The following PRMT3 variants were observed in gnomAD, a reference collection of about 807,000 sequenced individuals.
PRMT3 encodes protein arginine methyltransferase 3.
Under a neutral mutation model 71.9 loss-of-function variants are expected in PRMT3, and 62 were observed. That is an observed-to-expected ratio of 0.86 (90% CI 0.70 to 1.07). The LOEUF (loss-of-function observed/expected upper bound fraction) is 1.07, where lower values mean the gene tolerates loss of function less well. Ranked by LOEUF, PRMT3 falls within the 50% of genes least tolerant of loss-of-function variation. PRMT3 has a pLI of 0.00. For synonymous variants in PRMT3, 213 were observed against 220.4 expected, an observed-to-expected ratio of 0.97 and a Z score of 0.30; for missense variants, 663 against 643.0, an observed-to-expected ratio of 1.03 and a Z score of -0.34.
intron 13 of PRMT3, among the ~76,000 whole-genome samples, chr11:20,471,358 T>G (rs1246906743): frequency 2.0e-5 from 3 of 152,218 alleles, no homozygotes; most frequent in Non-Finnish European, 4.4e-5. Context: ...GGTTTTACAT[T>G]TAAGTCTTTA....
chr11:20,481,754 TG>T (rs1398826988), intron 13 of PRMT3, among the ~76,000 whole-genome samples: 1 of 152,160 alleles, frequency 6.6e-6, no homozygotes, highest in Non-Finnish European at 1.5e-5. Flanking sequence ...GTGCACCTTA[TG>T]CATTGCTCTC....
rs1029339068 is a variant in PRMT3 at position 20,413,826 on chromosome 11, T to C, written c.893+5794T>C. On this transcript the variant is annotated intron_variant, in intron 9 of 15. Coordinates refer to ENST00000331079, the MANE Select transcript of PRMT3 (RefSeq NM_005788.4). ...TCTGATACTTGTCTATTCTTGCATA[T>C]TGGAGTTTTCTATAACATCAGTCAA... 2.6e-5 allele frequency among the ~76,000 whole-genome samples: 4 copies of C among 152,110 alleles called. No individual in the cohort carries two copies. In the South Asian group the frequency reaches 6.2e-4, roughly 24 times the overall value.
chr11:20,461,572 A>G (rs1398535888), intron 11 of PRMT3, among the ~76,000 whole-genome samples: 1 of 151,924 alleles, frequency 6.6e-6, no homozygotes, highest in Non-Finnish European at 1.5e-5. Flanking sequence ...CTATTACATG[A>G]TTTTCTTACA....
intron 10 of PRMT3, among the ~76,000 whole-genome samples, chr11:20,427,219 T>A (rs1399416861): frequency 6.6e-6 from 1 of 152,200 alleles, no homozygotes; most frequent in Non-Finnish European, 1.5e-5. Context: ...TAGGACTGTT[T>A]CATCAAAATT....
intron 10 of PRMT3, among the ~76,000 whole-genome samples, chr11:20,441,204 T>C (rs1003825537): frequency 3.3e-5 from 5 of 151,758 alleles, no homozygotes; most frequent in African/African-American, 1.2e-4. Flanking sequence ...TGGTCTTTCA[T>C]TGGAAAATGA....
In PRMT3 at chr11:20,500,927, T is replaced by C. The variant is rs116566019; in HGVS notation, c.1486+6673T>C. Among the ~76,000 whole-genome samples, 1,465 of 152,146 alleles carry C rather than the reference T, an allele frequency of 9.6e-3. 31 individuals are homozygous for C. Among genetic ancestry groups the C allele is most frequent in the African/African-American group, 0.034 (1,413 of 41,394 alleles). ...CTTCAGGATAAAATACAAACTCCTA[T>C]GTCCCTTTGCAGTCTGACTCTGGTT... On this transcript the variant is annotated intron_variant, in intron 15 of 15. Coordinates refer to ENST00000331079, the MANE Select transcript of PRMT3 (RefSeq NM_005788.4).
chr11:20,414,781 T>C (rs1849266211), intron 9 of PRMT3, among the ~76,000 whole-genome samples: 1 of 152,148 alleles, frequency 6.6e-6, no homozygotes, highest in Non-Finnish European at 1.5e-5. Flanking sequence ...ATATTGCCTG[T>C]GTTTAGAATA....
chr11:20,446,061 T>C (rs1346585841), intron 10 of PRMT3, among the ~76,000 whole-genome samples: 1 of 152,148 alleles, frequency 6.6e-6, no homozygotes, highest in Non-Finnish European at 1.5e-5. Context: ...GTGTGTGCTC[T>C]TACACTTCAG....
intron 13 of PRMT3, among the ~76,000 whole-genome samples, chr11:20,469,335 G>A (rs1013521607): frequency 1.3e-5 from 2 of 152,054 alleles, no homozygotes; most frequent in Non-Finnish European, 2.9e-5. Flanking sequence ...TGTAATATTC[G>A]CTTACTCTGT....
rs1360813644 is a variant in PRMT3, at chr11:20,508,298, T to C, written c.1487-6T>C. The C allele has an allele frequency of 6.3e-7, 1 of 1,582,220 alleles. No individual in the cohort carries two copies. The highest frequency in any genetic ancestry group is 1.4e-5 in the African/African-American group (1 of 73,894). On this transcript the variant is annotated splice_polypyrimidine_tract_variant and splice_region_variant and intron_variant, in intron 15 of 15. Transcript: ENST00000331079. ...ATTCTTAACAATTTTTGCCTTTGTT[T>C]TACAGGTGAAGCCTTGAAAGGAAAG...
intron 12 of PRMT3, among the ~76,000 whole-genome samples, chr11:20,462,633 G>A (rs1401932330): frequency 6.6e-5 from 10 of 151,990 alleles, no homozygotes; most frequent in Admixed American, 5.2e-4. Flanking sequence ...CCCATGAAAC[G>A]AAAGCCCTAC....
chr11:20,461,927 TTCC>T, intron 11 of PRMT3, 50 bp from the exon 12 acceptor site: 2 of 1,391,350 alleles, frequency 1.4e-6, no homozygotes, highest in Non-Finnish European at 1.9e-6. Flanking sequence ...AAAAATTATA[TTCC>T]ATAAGAAAGG....
chr11:20,410,297 C>A (rs1458272693), intron 9 of PRMT3, among the ~76,000 whole-genome samples: 1 of 151,986 alleles, frequency 6.6e-6, no homozygotes, highest in African/African-American at 2.4e-5. Context: ...TGTTTTCTGA[C>A]AAATTATTGC....
intron 10 of PRMT3, among the ~76,000 whole-genome samples, chr11:20,437,766 T>C (rs1849793710): frequency 6.6e-6 from 1 of 151,934 alleles, no homozygotes; most frequent in Non-Finnish European, 1.5e-5. Flanking sequence ...ATTTTTTGCA[T>C]TTTTAGTAGA....
At position 20,387,836 on chromosome 11, in the gene PRMT3, C is replaced by T; in HGVS notation, c.28+62C>T. On this transcript the variant is annotated intron_variant, in intron 1 of 15. Coordinates refer to ENST00000331079, the MANE Select transcript of PRMT3 (RefSeq NM_005788.4). This position sits in a 1 kb window ranked among gnomAD's most constrained non-coding sequence, Gnocchi z 4.3. ...GCCCCAGGCCGCGCCGCTGTGGGGC[C>T]GGTGGAAGACCCTCCGGGACACGGG... is the stretch of plus-strand genomic sequence containing the variant. The T allele has an allele frequency of 1.3e-6, 2 of 1,536,742 alleles. No homozygotes were observed. The highest frequency in any genetic ancestry group is 2.5e-5 in the East Asian group (1 of 40,804).
chr11:20,474,490 C>T (rs1850730322), intron 13 of PRMT3, among the ~76,000 whole-genome samples: 1 of 152,190 alleles, frequency 6.6e-6, no homozygotes, highest in African/African-American at 2.4e-5. Context: ...CCAGAGTATG[C>T]AAAACTCCTG....
intron 7 of PRMT3, among the ~76,000 whole-genome samples, chr11:20,402,416 G>C (rs777911140): frequency 6.6e-6 from 1 of 151,988 alleles, no homozygotes; most frequent in African/African-American, 2.4e-5. Context: ...ACTGAACCCA[G>C]CCTGTTATTT....
At chr11:20,451,486 T>A (rs913445087) in intron 10 of PRMT3, among the ~76,000 whole-genome samples, 1 of 151,496 alleles carries the variant, frequency 6.6e-6, no homozygotes, top group Admixed American at 6.6e-5. Flanking sequence ...CCCTCCACTT[T>A]CTTTTTTGTT....
At chr11:20,436,261 C>T (rs1176977735) in intron 10 of PRMT3, among the ~76,000 whole-genome samples, 1 of 152,156 alleles carries the variant, frequency 6.6e-6, no homozygotes, top group Non-Finnish European at 1.5e-5. Context: ...ATTTGTCTCC[C>T]TTCTTTCCAA....
Sources: gnomAD v4.1 joint callset for allele counts (sites outside exome capture counted in the v4.1 genomes callset) on GRCh38, gnomAD v4.1.1 for gene constraint, Gnocchi (gnomAD v3.1) non-coding constraint, MANE v1.5 for transcripts, NCBI Gene and HGNC (gene_info 2026-07-23, HGNC 2026-07-21) for gene names.